The following ZNF804B variants were observed in gnomAD, a reference collection of about 807,000 sequenced individuals.
ZNF804B encodes zinc finger protein 804B, also known as zinc finger 804B.
Under a neutral mutation model 101.4 loss-of-function variants are expected in ZNF804B, and 80 were observed. The observed-to-expected ratio is 0.79, with a 90% confidence interval of 0.66 to 0.95. The LOEUF (loss-of-function observed/expected upper bound fraction) is 0.95, where lower values mean the gene tolerates loss of function less well. Among genes scored for constraint, ZNF804B ranks in the 40% least tolerant of loss-of-function variants. ZNF804B has a pLI of 0.00. For missense variants in ZNF804B, 1,673 were observed against 1,561.9 expected (o/e 1.07, Z -1.20); for synonymous variants, 622 against 558.8 (o/e 1.11, Z -1.59).
chr7:88,848,527 C>G (rs1302883935), intron 1 of ZNF804B, among the ~76,000 whole-genome samples: 3 of 151,672 alleles, frequency 2.0e-5, no homozygotes, highest in Middle Eastern at 3.2e-3. Flanking sequence ...AGGGAAGAAA[C>G]CTTTTTGCAG....
intron 1 of ZNF804B, among the ~76,000 whole-genome samples, chr7:89,165,008 T>C (rs1242415148): frequency 3.3e-5 from 5 of 152,114 alleles, no homozygotes; most frequent in African/African-American, 9.7e-5. Flanking sequence ...TACTTTAAAA[T>C]ATGAAGAAAA....
chr7:89,188,390 GC>G (rs1435645523), intron 1 of ZNF804B, among the ~76,000 whole-genome samples: 14 of 151,766 alleles, frequency 9.2e-5, no homozygotes, highest in African/African-American at 2.9e-4. Flanking sequence ...CTTCTCCTTG[GC>G]CCTCCCTATT....
At chr7:89,023,675 C>A (rs1354594349) in intron 1 of ZNF804B, among the ~76,000 whole-genome samples, 1 of 152,194 alleles carries the variant, frequency 6.6e-6, no homozygotes, top group African/African-American at 2.4e-5. Flanking sequence ...CCACAAGGTT[C>A]AGCATTTGTA....
In ZNF804B at chr7:89,270,633, T is replaced by C. The variant is rs548110089; in HGVS notation, c.249+52338T>C. 3.3e-5 allele frequency among the ~76,000 whole-genome samples: 5 copies of C among 152,318 alleles called. No homozygotes were observed. The East Asian group carries it at 7.7e-4, about 24-fold the overall frequency. ...CATTGGTAGCTTGATGGGGATGGCA[T>C]TGAATCTATAAATTACCTTGGGCAA... On this transcript the variant is annotated intron_variant, in intron 2 of 3. Transcript: ENST00000333190.
intron 1 of ZNF804B, among the ~76,000 whole-genome samples, chr7:88,902,376 G>A (rs534456579): frequency 8.6e-5 from 13 of 151,870 alleles, no homozygotes; most frequent in South Asian, 8.3e-4. Context: ...TCCATTTCTC[G>A]TTCTAGTACA....
chr7:89,276,660 A>G lies in ZNF804B; in HGVS notation c.250-50684A>G, dbSNP rs1216861882. On this transcript the variant is annotated intron_variant, in intron 2 of 3. Coordinates refer to ENST00000333190, the MANE Select transcript of ZNF804B (RefSeq NM_181646.5). ...AATCATAAAAAATTCAGTAAATGTAATTGAGTTTTGCTTTCTTTGAAAGTA... is the reference window on the plus strand; with the variant it reads ...AATCATAAAAAATTCAGTAAATGTAGTTGAGTTTTGCTTTCTTTGAAAGTA... Among the ~76,000 whole-genome samples the G allele has an allele frequency of 3.3e-5, 5 of 151,926 alleles. 1 individual carries two copies. Among genetic ancestry groups the G allele is most frequent in the African/African-American group, 1.2e-4 (5 of 41,238 alleles).
chr7:89,129,800 A>G (rs555618868), intron 1 of ZNF804B, among the ~76,000 whole-genome samples: 1 of 152,188 alleles, frequency 6.6e-6, no homozygotes, highest in African/African-American at 2.4e-5. Context: ...GCTCCAGAGC[A>G]CGTGCTCTTA....
intron 2 of ZNF804B, among the ~76,000 whole-genome samples, chr7:89,316,083 C>G (rs1164428299): frequency 6.6e-6 from 1 of 152,018 alleles, no homozygotes; most frequent in Non-Finnish European, 1.5e-5. Flanking sequence ...AAGCATGTGA[C>G]TTAATATTAA....
At chr7:89,166,822 T>C (rs1368151811) in intron 1 of ZNF804B, among the ~76,000 whole-genome samples, 1 of 152,164 alleles carries the variant, frequency 6.6e-6, no homozygotes, top group Non-Finnish European at 1.5e-5. Context: ...ATATTTGAGC[T>C]CACCACAATA....
At chr7:88,979,970 T>G (rs1793673126) in intron 1 of ZNF804B, among the ~76,000 whole-genome samples, 1 of 151,848 alleles carries the variant, frequency 6.6e-6, no homozygotes, top group African/African-American at 2.4e-5. Context: ...CTCACTAATT[T>G]TTTCGTCTGC....
intron 2 of ZNF804B, among the ~76,000 whole-genome samples, chr7:89,236,103 T>C (rs559274662): frequency 6.6e-6 from 1 of 152,258 alleles, no homozygotes; most frequent in South Asian, 2.1e-4. Context: ...CAGGTAAATT[T>C]TTATCATTAC....
chr7:88,793,546 G>A (rs1022595097), intron 1 of ZNF804B, among the ~76,000 whole-genome samples: 1 of 151,930 alleles, frequency 6.6e-6, no homozygotes, highest in African/African-American at 2.4e-5. Flanking sequence ...CAATATTCTT[G>A]ATTATATAGG....
At chr7:89,071,058 A>T (rs531323554) in intron 1 of ZNF804B, among the ~76,000 whole-genome samples, 1 of 152,250 alleles carries the variant, frequency 6.6e-6, no homozygotes, top group South Asian at 2.1e-4. Context: ...TATAATTTAA[A>T]TCATCCCTAA....
intron 1 of ZNF804B, among the ~76,000 whole-genome samples, chr7:88,979,986 C>T (rs1793673295): frequency 6.6e-6 from 1 of 150,466 alleles, no homozygotes; most frequent in South Asian, 2.1e-4. Flanking sequence ...TCTGCTTGAT[C>T]ACTTGTGTTG....
chr7:89,286,159 G>C (rs1009713823), intron 2 of ZNF804B, among the ~76,000 whole-genome samples: 35 of 152,136 alleles, frequency 2.3e-4, no homozygotes, highest in African/African-American at 7.7e-4. Flanking sequence ...TGGTCTGCTT[G>C]TCCTCAAATA....
At chr7:88,951,446 A>C (rs982052246) in intron 1 of ZNF804B, among the ~76,000 whole-genome samples, 3 of 151,870 alleles carry the variant, frequency 2.0e-5, no homozygotes, top group Admixed American at 1.3e-4. Context: ...TTTTGTGTAC[A>C]TACACACACA....
chr7:88,806,369 A>T (rs1790693443), intron 1 of ZNF804B, among the ~76,000 whole-genome samples: 1 of 152,052 alleles, frequency 6.6e-6, no homozygotes, highest in Non-Finnish European at 1.5e-5. Flanking sequence ...TTTATTAAGG[A>T]TAGTTTGGAT....
In ZNF804B at chr7:89,287,223, T is replaced by C. The variant is rs149491384; in HGVS notation, c.250-40121T>C. Among the ~76,000 whole-genome samples, 365 of 152,320 alleles carry C rather than the reference T, an allele frequency of 2.4e-3. 2 individuals are homozygous for C. The highest frequency in any genetic ancestry group is 8.4e-3 in the African/African-American group (351 of 41,562). On this transcript the variant is annotated intron_variant, in intron 2 of 3. Coordinates refer to ENST00000333190, the MANE Select transcript of ZNF804B (RefSeq NM_181646.5). ...GTAAAGAGTAGGCTATTAGTAGTTATGTTTTTGGGGAATCAGAAGTTATAC... is the reference window on the plus strand; with the variant it reads ...GTAAAGAGTAGGCTATTAGTAGTTACGTTTTTGGGGAATCAGAAGTTATAC...
chr7:89,044,900 A>G (rs1489594852), intron 1 of ZNF804B, among the ~76,000 whole-genome samples: 1 of 152,254 alleles, frequency 6.6e-6, no homozygotes, highest in Non-Finnish European at 1.5e-5. Context: ...CATAAGTAAC[A>G]AGGAGCCGAA....
Sources: gnomAD v4.1 joint callset for allele counts (sites outside exome capture counted in the v4.1 genomes callset) on GRCh38, gnomAD v4.1.1 for gene constraint, MANE v1.5 for transcripts, NCBI Gene and HGNC (gene_info 2026-07-23, HGNC 2026-07-21) for gene names.